RBFOX2: variants seen among roughly 807,000 people sequenced by gnomAD.
RBFOX2 encodes the protein RNA binding protein fox-1 homolog 2.
In RBFOX2, 10 loss-of-function variants were observed where a neutral mutation model predicts 49.1. The ratio of observed to expected loss-of-function variants is 0.20; its 90% CI spans 0.13 to 0.35. The LOEUF (loss-of-function observed/expected upper bound fraction) is 0.35, where lower values mean the gene tolerates loss of function less well. Ranked by LOEUF, RBFOX2 falls within the 10% of genes least tolerant of loss-of-function variation. RBFOX2 has a pLI of 1.00. For synonymous variants in RBFOX2, 183 were observed against 187.4 expected, an observed-to-expected ratio of 0.98 and a Z score of 0.19; for missense variants, 323 against 486.9, an observed-to-expected ratio of 0.66 and a Z score of 3.17.
intron 9 of RBFOX2, chr22:35,756,118 C>T: frequency 6.7e-7 from 1 of 1,502,036 alleles, no homozygotes; most frequent in South Asian, 1.3e-5. Context: ...GAGGTCAGCA[C>T]CGTAAAATCC....
intron 1 of RBFOX2, chr22:35,995,052 A>G (rs949149106): frequency 6.6e-6 from 1 of 152,264 alleles, no homozygotes; most frequent in Non-Finnish European, 1.5e-5. Flanking sequence ...GACAGCCTTC[A>G]TGAAAGAAAA....
intron 1 of RBFOX2, among the ~76,000 whole-genome samples, chr22:35,908,796 A>G (rs2049422482): frequency 6.6e-6 from 1 of 152,028 alleles, no homozygotes; most frequent in African/African-American, 2.4e-5. Flanking sequence ...TTTGGGGCTC[A>G]AGGAATTCAG....
At chr22:35,886,904 A>AT (rs1023980683) in intron 1 of RBFOX2, among the ~76,000 whole-genome samples, 1 of 152,130 alleles carries the variant, frequency 6.6e-6, no homozygotes, top group African/African-American at 2.4e-5. Flanking sequence ...CCTAAAATAT[A>AT]TTTTTGTCGT....
At chr22:35,964,140 T>A (rs549275318), upstream of RBFOX2, among the ~76,000 whole-genome samples, 348 of 152,234 alleles carry the variant, frequency 2.3e-3, no homozygotes, top group Non-Finnish European at 3.3e-3. Context: ...TCATTTTTTT[T>A]AAAAAGCCAG....
At chr22:35,897,419 G>A in intron 1 of RBFOX2, 3 of 896,264 alleles carry the variant, frequency 3.3e-6, no homozygotes, top group South Asian at 1.3e-5. Flanking sequence ...ACAAGGTCAT[G>A]TCTGTGATGT....
intron 9 of RBFOX2, among the ~76,000 whole-genome samples, chr22:35,758,946 T>G (rs1937716464): frequency 6.6e-6 from 1 of 152,148 alleles, no homozygotes; most frequent in Non-Finnish European, 1.5e-5. Context: ...CCAACAAGCT[T>G]CTCTGCTGCT....
intron 2 of RBFOX2, among the ~76,000 whole-genome samples, chr22:35,790,450 G>T (rs1413761025): frequency 6.6e-6 from 1 of 151,972 alleles, no homozygotes; most frequent in Admixed American, 6.6e-5. Context: ...TATAAGGTGA[G>T]GATTATTAAA....
At chr22:36,025,326 A>G (rs1010525385) in intron 1 of RBFOX2, among the ~76,000 whole-genome samples, 7 of 151,846 alleles carry the variant, frequency 4.6e-5, no homozygotes, top group Admixed American at 1.3e-4. Flanking sequence ...CCATTACCTC[A>G]CTTCACTCAT....
At chr22:35,862,378 G>GA (rs1556172581) in intron 1 of RBFOX2, among the ~76,000 whole-genome samples, 1 of 123,392 alleles carries the variant, frequency 8.1e-6, no homozygotes, top group Admixed American at 7.8e-5. Context: ...TTTCTTTGGA[G>GA]GGGGGGGGGA....
At chr22:36,026,578 T>C (rs919419228) in intron 1 of RBFOX2, among the ~76,000 whole-genome samples, 1 of 146,750 alleles carries the variant, frequency 6.8e-6, no homozygotes, top group African/African-American at 2.6e-5. Context: ...ACACACCAAG[T>C]AGAACCTGCT....
chr22:35,909,097 C>T (rs571695482), intron 1 of RBFOX2, among the ~76,000 whole-genome samples: 2 of 152,298 alleles, frequency 1.3e-5, no homozygotes, highest in East Asian at 3.9e-4. Context: ...CCACCTCGGC[C>T]TCCCGAAGTG....
chr22:35,775,862 GA>G (rs1943789738), intron 4 of RBFOX2, among the ~76,000 whole-genome samples: 1 of 104,466 alleles, frequency 9.6e-6, no homozygotes, highest in Admixed American at 8.7e-5. Context: ...AAAAAAAAAA[GA>G]AAAGAAAAGA....
intron 2 of RBFOX2, among the ~76,000 whole-genome samples, chr22:35,808,388 G>A (rs1951163049): frequency 6.6e-6 from 1 of 152,108 alleles, no homozygotes; most frequent in African/African-American, 2.4e-5. Context: ...AATACTTGAT[G>A]AAAGAAAATT....
At chr22:35,881,258 C>T (rs866996554) in intron 1 of RBFOX2, among the ~76,000 whole-genome samples, 27 of 146,322 alleles carry the variant, frequency 1.8e-4, no homozygotes, top group African/African-American at 4.6e-4. Flanking sequence ...AGTGAGACTC[C>T]GTCTCGGGTG....
In RBFOX2 at chr22:35,947,521, A is replaced by G. The variant is rs561349169; in HGVS notation, c.43-8624T>C. Among the ~76,000 whole-genome samples the G allele has an allele frequency of 2.0e-5, 3 of 151,948 alleles. No homozygotes were observed. In the South Asian group the frequency reaches 6.2e-4, roughly 32 times the overall value. ...AGCACACGGCATTGTTATCATAGAA[A>G]ATGACAGCTCCATGTGTGTTACTGG... On this transcript the variant is annotated intron_variant, in intron 1 of 5. Transcript: ENST00000408983.
At chr22:35,863,408 T>C (rs2043315850) in intron 1 of RBFOX2, among the ~76,000 whole-genome samples, 1 of 152,132 alleles carries the variant, frequency 6.6e-6, no homozygotes, top group Non-Finnish European at 1.5e-5. Flanking sequence ...TCTTTAACAG[T>C]ACCGAAAAAC....
intron 1 of RBFOX2, among the ~76,000 whole-genome samples, chr22:35,847,054 A>G (rs1012870541): frequency 2.6e-5 from 4 of 152,234 alleles, no homozygotes; most frequent in African/African-American, 9.6e-5. Context: ...AAGACTGTCT[A>G]TAAGAATAAC....
chr22:35,767,562 G>A (rs1430708427), intron 5 of RBFOX2, among the ~76,000 whole-genome samples: 2 of 152,122 alleles, frequency 1.3e-5, no homozygotes, highest in Non-Finnish European at 2.9e-5. Context: ...GTTAACCTTC[G>A]ATGTGTTATC....
chr22:36,004,094 A>T (rs1378047070), intron 1 of RBFOX2, among the ~76,000 whole-genome samples: 1 of 152,150 alleles, frequency 6.6e-6, no homozygotes, highest in East Asian at 1.9e-4. Flanking sequence ...GAGGGGACAA[A>T]ATCACCCCCA....
Sources: gnomAD v4.1 joint callset for allele counts (sites outside exome capture counted in the v4.1 genomes callset) on GRCh38, gnomAD v4.1.1 for gene constraint, MANE v1.5 for transcripts, NCBI Gene and HGNC (gene_info 2026-07-23, HGNC 2026-07-21) for gene names.